GLP2R: variants seen among roughly 807,000 people sequenced by gnomAD.
GLP2R encodes glucagon-like peptide 2 receptor.
GLP2R carries 59 observed loss-of-function variants against 68.2 expected under a neutral mutation model. The observed-to-expected ratio is 0.87, with a 90% CI of 0.70 to 1.07. The LOEUF (loss-of-function observed/expected upper bound fraction) is 1.07. Among genes scored for constraint, GLP2R ranks in the 50% least tolerant of loss-of-function variants. The pLI is 0.00. For synonymous variants in GLP2R, 270 were observed against 265.4 expected (o/e 1.02, Z -0.17); for missense variants, 548 against 677.4 (o/e 0.81, Z 2.12).
At position 9,881,422 on chromosome 17, in the gene GLP2R, C is replaced by T. The variant is rs1227864692; in HGVS notation, c.1284+906C>T. Among the ~76,000 whole-genome samples, 5 of 127,074 alleles carry T rather than the reference C, an allele frequency of 3.9e-5. 1 individual carries two copies. Among genetic ancestry groups the T allele is most frequent in the African/African-American group, 8.1e-5 (2 of 24,728 alleles). The allele number at this position is 127,074 out of a possible 152,430, so 83.4% of individuals were successfully genotyped here. A position where few individuals can be genotyped will look rare whatever the true frequency, so the allele number is the denominator to read the frequency against. ...TTGAGACGGAGTCTCGCTCTGTCGC[C>T]CAGGCTGGAGTGCAGTGGCGGGATC... On this transcript the variant is annotated intron_variant, in intron 11 of 12. Transcript: ENST00000262441.
intron 4 of GLP2R, among the ~76,000 whole-genome samples, chr17:9,849,149 C>T (rs2066868961): frequency 1.3e-5 from 2 of 149,310 alleles, no homozygotes; most frequent in African/African-American, 2.5e-5. Context: ...ATGATTTTTC[C>T]AACATTTTAT....
In GLP2R at chr17:9,857,593, C is replaced by T; in HGVS notation, c.765+17C>T. On this transcript the variant is annotated intron_variant, in intron 6 of 12. Transcript: ENST00000262441. ...CTGTCAGAGGTAATCCCCTTCCCCA[C>T]TGTTTACACTGGACTCCCCACCTGA... 2 of 1,612,722 alleles carry T rather than the reference C, an allele frequency of 1.2e-6. No individual in the cohort carries two copies. The highest frequency in any genetic ancestry group is 1.7e-5 in the Admixed American group (1 of 60,024).
intron 10 of GLP2R, among the ~76,000 whole-genome samples, chr17:9,875,523 T>A (rs1021280512): frequency 6.6e-6 from 1 of 152,250 alleles, no homozygotes; most frequent in African/African-American, 2.4e-5. Flanking sequence ...TAAACACATT[T>A]AGGCCCTGCC....
chr17:9,842,458 G>A (rs749430872), intron 3 of GLP2R, 37 bp from the exon 4 acceptor site: 1 of 1,613,420 alleles, frequency 6.2e-7, no homozygotes, highest in South Asian at 1.1e-5. Flanking sequence ...CGGGCTGTGT[G>A]TTCTGACCTT....
chr17:9,872,648 C>G (rs1332090695), intron 10 of GLP2R, among the ~76,000 whole-genome samples: 2 of 152,176 alleles, frequency 1.3e-5, no homozygotes, highest in Non-Finnish European at 2.9e-5. Context: ...TTCTACTTTG[C>G]TAAGGACTAG....
intron 5 of GLP2R, 64 bp downstream of exon 5, chr17:9,854,665 G>T: frequency 1.1e-6 from 1 of 925,974 alleles, no homozygotes; most frequent in Non-Finnish European, 1.8e-6. Context: ...ATCTACAGGG[G>T]ATATGTTCTA....
At position 9,889,932 on chromosome 17, in the gene GLP2R, G is replaced by A. The variant is rs563169807; in HGVS notation, c.*227G>A. The A allele has an allele frequency of 1.8e-4, 113 of 612,394 alleles. No individual in the cohort carries two copies. The African/African-American group carries it at 2.0e-3, about 11-fold the overall frequency. 37.9% of individuals were successfully genotyped at this position (612,394 alleles called of 1,614,324 possible). On this transcript the variant is annotated 3_prime_UTR_variant, in exon 13 of 13. Coordinates refer to ENST00000262441, the MANE Select transcript of GLP2R (RefSeq NM_004246.3). ...CTTCTCATCCTAATAACCCCCACCA[G>A]TGTGTTTTCCACAATGCCCACCAGA...
At chr17:9,837,453 ACAGG>A (rs2066743289) in intron 3 of GLP2R, among the ~76,000 whole-genome samples, 1 of 150,870 alleles carries the variant, frequency 6.6e-6, no homozygotes, top group African/African-American at 2.5e-5. Flanking sequence ...GAGAGGAGAA[ACAGG>A]TGGGGGAGAA....
chr17:9,872,345 G>A (rs566479049), intron 10 of GLP2R, among the ~76,000 whole-genome samples: 31 of 152,194 alleles, frequency 2.0e-4, no homozygotes, highest in Non-Finnish European at 3.2e-4. Flanking sequence ...GGGAGGCCAA[G>A]GTGGGCATAT....
chr17:9,849,607 C>CTTTTTTTT (rs57795068), intron 4 of GLP2R, among the ~76,000 whole-genome samples: 71 of 87,114 alleles, frequency 8.2e-4, no homozygotes, highest in South Asian at 1.4e-3. Flanking sequence ...TTTTCTCTTT[C>CTTTTTTTT]TTTTTTTTTT....
chr17:9,855,850 G>T (rs2066929979), intron 5 of GLP2R, among the ~76,000 whole-genome samples: 1 of 152,212 alleles, frequency 6.6e-6, no homozygotes, highest in African/African-American at 2.4e-5. Flanking sequence ...GTATTCCAAA[G>T]CCTGTGTGCC....
chr17:9,858,871 T>G (rs188299298), intron 6 of GLP2R, among the ~76,000 whole-genome samples: 1 of 152,342 alleles, frequency 6.6e-6, no homozygotes, highest in Non-Finnish European at 1.5e-5. Flanking sequence ...TACCCTTTGA[T>G]CATGTTGGCA....
intron 9 of GLP2R, among the ~76,000 whole-genome samples, chr17:9,863,488 C>T (rs1010539161): frequency 6.6e-6 from 1 of 152,194 alleles, no homozygotes; most frequent in African/African-American, 2.4e-5. Context: ...TGACAGCTGG[C>T]ACTTTTAACC....
chr17:9,854,183 C>T (rs2066915447), intron 4 of GLP2R, among the ~76,000 whole-genome samples: 1 of 152,198 alleles, frequency 6.6e-6, no homozygotes, highest in Non-Finnish European at 1.5e-5. Flanking sequence ...ATTCCCAAGG[C>T]ATCCTCTTGT....
At chr17:9,836,258 G>T (rs2066729783) in intron 2 of GLP2R, 113 bp from the exon 3 acceptor site, 3 of 736,022 alleles carry the variant, frequency 4.1e-6, no homozygotes, top group East Asian at 5.1e-5. Context: ...TTCTGCACAG[G>T]TTACACCAGC....
chr17:9,861,089 A>G (rs753829164), intron 7 of GLP2R, 50 bp from the exon 8 acceptor site: 5 of 1,331,304 alleles, frequency 3.8e-6, no homozygotes, highest in Non-Finnish European at 5.4e-6. Flanking sequence ...GGAGGCAAGC[A>G]GGTTTGGCCA....
intron 9 of GLP2R, among the ~76,000 whole-genome samples, chr17:9,867,475 A>G (rs2067049983): frequency 6.6e-6 from 1 of 152,248 alleles, no homozygotes; most frequent in African/African-American, 2.4e-5. Context: ...GTCTCTTGCC[A>G]GGCAGAAATT....
At chr17:9,826,863 T>TTTTG (rs747548856) in intron 1 of GLP2R, among the ~76,000 whole-genome samples, 7 of 152,086 alleles carry the variant, frequency 4.6e-5, no homozygotes, top group South Asian at 2.1e-4. Context: ...GCATACAGTT[T>TTTTG]TTTGTTTGTT....
chr17:9,865,277 T>A (rs1386081062), intron 9 of GLP2R, among the ~76,000 whole-genome samples: 2 of 151,992 alleles, frequency 1.3e-5, no homozygotes, highest in Admixed American at 1.3e-4. Flanking sequence ...TTCTCCTTAA[T>A]CCCTTGGTCT....
Sources: allele counts gnomAD v4.1 joint callset (sites outside exome capture counted in the v4.1 genomes callset), GRCh38; gene constraint gnomAD v4.1.1; transcripts MANE v1.5; gene names NCBI Gene and HGNC (gene_info 2026-07-23, HGNC 2026-07-21).